CUBN: variants seen among roughly 807,000 people sequenced by gnomAD.
CUBN encodes the protein 460 kDa receptor.
A neutral mutation model predicts 405.3 loss-of-function variants in CUBN; 282 were observed. The observed-to-expected ratio is 0.70, with a 90% CI of 0.63 to 0.77. The LOEUF is 0.77. Ranked by LOEUF, CUBN falls within the 30% of genes least tolerant of loss-of-function variation. The pLI is 0.00. For missense variants in CUBN, 4,514 were observed against 4,475.2 expected (o/e 1.01, Z -0.25); for synonymous variants, 1,684 against 1,617.0 (o/e 1.04, Z -0.99).
chr10:17,123,494 A>G, intron 5 of CUBN, 94 bp downstream of exon 5: 1 of 994,330 alleles, frequency 1.0e-6, no homozygotes, highest in Non-Finnish European at 1.6e-6. Flanking sequence ...GAATCCTAGA[A>G]ACTTTAGATG....
intron 17 of CUBN, among the ~76,000 whole-genome samples, chr10:17,080,840 A>G (rs544929562): frequency 6.6e-6 from 1 of 152,328 alleles, no homozygotes; most frequent in South Asian, 2.1e-4. Flanking sequence ...TTCTGGAAAG[A>G]TGCTTCCATC....
intron 45 of CUBN, among the ~76,000 whole-genome samples, chr10:16,918,335 A>G (rs918412623): frequency 6.6e-6 from 1 of 152,188 alleles, no homozygotes; most frequent in South Asian, 2.1e-4. Context: ...AAAGAATGTC[A>G]TAATAGTTTG....
chr10:16,990,231 A>G, intron 29 of CUBN, 103 bp downstream of exon 29: 1 of 1,068,352 alleles, frequency 9.4e-7, no homozygotes. Flanking sequence ...GTCTAAGAAT[A>G]GAACACTGCT....
At chr10:17,037,183 CTT>C (rs1229459588) in intron 27 of CUBN, among the ~76,000 whole-genome samples, 4 of 152,148 alleles carry the variant, frequency 2.6e-5, no homozygotes, top group African/African-American at 9.7e-5. Flanking sequence ...ACCAAAAGAA[CTT>C]ATCATTTAAG....
At chr10:17,095,656 GTACAGCCATATTTAAAACAAT>G (rs1405749121) in intron 14 of CUBN, among the ~76,000 whole-genome samples, 29 of 152,062 alleles carry the variant, frequency 1.9e-4, no homozygotes, top group African/African-American at 6.7e-4. Flanking sequence ...AAGTATACTG[GTACAGCCATATTTAAAACAAT>G]ATGGAGGTTC....
intron 28 of CUBN, among the ~76,000 whole-genome samples, chr10:17,002,812 T>C (rs1833927289): frequency 6.6e-6 from 1 of 152,218 alleles, no homozygotes; most frequent in East Asian, 1.9e-4. Context: ...CAAGGAGTTA[T>C]TTAGAAACAG....
At chr10:17,028,910 A>G (rs1212081704) in intron 27 of CUBN, among the ~76,000 whole-genome samples, 1 of 152,210 alleles carries the variant, frequency 6.6e-6, no homozygotes, top group Non-Finnish European at 1.5e-5. Flanking sequence ...AGTGTTTAAA[A>G]TTTAGCATTT....
At chr10:16,901,811 C>A (rs1230475014) in intron 51 of CUBN, among the ~76,000 whole-genome samples, 1 of 148,720 alleles carries the variant, frequency 6.7e-6, no homozygotes, top group East Asian at 2.0e-4. Context: ...CGAGGTCATG[C>A]CATTGCACTC....
intron 48 of CUBN, 57 bp downstream of exon 48, chr10:16,913,754 G>A (rs772230578): frequency 1.3e-6 from 2 of 1,598,452 alleles, no homozygotes; most frequent in Middle Eastern, 2.3e-4. Context: ...TGATTTATGG[G>A]TCGGTAAACT....
At chr10:16,923,122 AC>A (rs1417277015) in intron 43 of CUBN, among the ~76,000 whole-genome samples, 1 of 151,872 alleles carries the variant, frequency 6.6e-6, no homozygotes, top group Non-Finnish European at 1.5e-5. Flanking sequence ...ACAGGCGTGA[AC>A]CACCGTGCCC....
At chr10:17,080,320 C>T (rs527761372) in intron 17 of CUBN, among the ~76,000 whole-genome samples, 1 of 151,740 alleles carries the variant, frequency 6.6e-6, no homozygotes, top group East Asian at 1.9e-4. Context: ...ACTGGGATTG[C>T]CATAGAGGTC....
rs781411873 is a variant in CUBN, at chr10:17,071,791, G to A, written c.2446+36C>T. On this transcript the variant is annotated intron_variant, in intron 18 of 66. Coordinates refer to ENST00000377833, the MANE Select transcript of CUBN (RefSeq NM_001081.4). Reference sequence around the variant, plus strand: ...TGAAGAATTAAAATATTACAATCAGGCAAATTAGACATTTAAAAATTATAT... The same window carrying A: ...TGAAGAATTAAAATATTACAATCAGACAAATTAGACATTTAAAAATTATAT... 1.9e-6 allele frequency: 3 copies of A among 1,601,884 alleles called. No individual in the cohort carries two copies. In the African/African-American group the frequency reaches 4.0e-5, roughly 22 times the overall value.
Position 16,901,370 on chromosome 10 carries a change from G to A in CUBN, c.8152C>T (p.Leu2718=). Residue 2718 remains leucine (L), a synonymous_variant, in exon 52 of 67, where the codon CTG becomes TTG. Transcript: ENST00000377833. The stretch of plus-strand genomic sequence containing the variant: ...GTGTGCCCTTGTGGGGCCTCCAACA[G>A]CGAAGAGCAGTGGGTCAGGCTGTCA... The part of the protein sequence containing the change: ...AYDSLTHCSS[L]LEAPQGHTIT... 1.2e-6 allele frequency: 2 copies of A among 1,614,154 alleles called. No individual in the cohort carries two copies. Among genetic ancestry groups the A allele is most frequent in the South Asian group, 2.2e-5 (2 of 91,084 alleles).
At chr10:17,005,213 G>A (rs1050241948) in intron 28 of CUBN, among the ~76,000 whole-genome samples, 26 of 152,072 alleles carry the variant, frequency 1.7e-4, no homozygotes, top group African/African-American at 6.3e-4. Flanking sequence ...AACGTGTCCT[G>A]CGTCAACTTC....
At chr10:17,093,796 G>C (rs1172468018) in intron 14 of CUBN, among the ~76,000 whole-genome samples, 2 of 151,954 alleles carry the variant, frequency 1.3e-5, no homozygotes, top group African/African-American at 4.8e-5. Flanking sequence ...AAACTTAGAG[G>C]AAAAGGTTGA....
At chr10:16,930,974 A>G (rs1291418924) in intron 40 of CUBN, among the ~76,000 whole-genome samples, 1 of 152,052 alleles carries the variant, frequency 6.6e-6, no homozygotes, top group African/African-American at 2.4e-5. Flanking sequence ...ATTTAGTCAT[A>G]GGCCAGGTGT....
chr10:16,921,840 CCCTGTTCTGACCTCGAGATT>C (rs1284039619), intron 43 of CUBN, among the ~76,000 whole-genome samples: 4 of 152,148 alleles, frequency 2.6e-5, no homozygotes, highest in Non-Finnish European at 4.4e-5. Flanking sequence ...CAGTCTAGAT[CCCTGTTCTGACCTCGAGATT>C]CCTGTTCCGA....
chr10:16,951,698 A>C (rs1448213015), intron 33 of CUBN, among the ~76,000 whole-genome samples: 1 of 152,190 alleles, frequency 6.6e-6, no homozygotes, highest in Non-Finnish European at 1.5e-5. Flanking sequence ...GGTTCCAAAA[A>C]AGAAAAGAAA....
At position 16,984,127 on chromosome 10, in the gene CUBN, C is replaced by A. The variant is rs377031417; in HGVS notation, c.4503G>T (p.Ala1501=). The A allele has an allele frequency of 2.5e-6, 4 of 1,614,080 alleles. No individual in the cohort carries two copies. The South Asian group carries it at 4.4e-5, about 18-fold the overall frequency. Residue 1501 remains alanine, a synonymous_variant, in exon 30 of 67, where the codon GCG becomes GCT. Coordinates refer to ENST00000377833, the MANE Select transcript of CUBN (RefSeq NM_001081.4). ...DLSINGRGFN[A]SWQAVTGGCG... ...CACCTCCAGTGACTGCTTGCCATGA[C>A]GCATTGAAGCCTCTCCCATTTATGG...
Sources: gnomAD v4.1 joint callset for allele counts (sites outside exome capture counted in the v4.1 genomes callset) on GRCh38, gnomAD v4.1.1 for gene constraint, MANE v1.5 for transcripts, NCBI Gene and HGNC (gene_info 2026-07-23, HGNC 2026-07-21) for gene names.